CLEC20A: variants seen among roughly 807,000 people sequenced by gnomAD.
CLEC20A encodes the protein putative C-type lectin domain family 20 member A.
intron 5 of CLEC20A, among the ~76,000 whole-genome samples, chr1:178,488,168 C>T (rs1442424018): frequency 6.6e-6 from 1 of 152,238 alleles, no homozygotes; most frequent in Non-Finnish European, 1.5e-5. Flanking sequence ...TCCCCTCCAC[C>T]TCCCCCAGGG....
intron 2 of CLEC20A, among the ~76,000 whole-genome samples, chr1:178,494,056 G>T (rs374676751): frequency 6.6e-6 from 1 of 152,160 alleles, no homozygotes; most frequent in Non-Finnish European, 1.5e-5. Flanking sequence ...CTCTGAAAGG[G>T]TGCTTCTCTC....
intron 2 of CLEC20A, 142 bp downstream of exon 2, chr1:178,494,312 A>C (rs1649337214): frequency 2.5e-6 from 1 of 397,138 alleles, no homozygotes; most frequent in Admixed American, 4.4e-5. Flanking sequence ...CCAGCTGCTC[A>C]GGAGGCTGAG....
At chr1:178,479,587 C>G in exon 8 of CLEC20A, 1 of 398,466 alleles carries the variant, frequency 2.5e-6, no homozygotes. Context: ...TTGTTCGTGA[C>G]CTAATGTAAG....
intron 5 of CLEC20A, among the ~76,000 whole-genome samples, chr1:178,485,385 C>G (rs1273911145): frequency 6.6e-6 from 1 of 152,180 alleles, no homozygotes; most frequent in Non-Finnish European, 1.5e-5. Flanking sequence ...CACTATGTGG[C>G]CTACACCAGT....
At chr1:178,492,851 GCA>G (rs1441456231) in intron 2 of CLEC20A, among the ~76,000 whole-genome samples, 7 of 152,338 alleles carry the variant, frequency 4.6e-5, no homozygotes, top group African/African-American at 1.7e-4. Flanking sequence ...AGCTGCCCAA[GCA>G]CAGCCACGAC....
chr1:178,490,427 C>A (rs1649245107), exon 4 of CLEC20A: 1 of 398,716 alleles, frequency 2.5e-6, no homozygotes. Flanking sequence ...GACCACTGAT[C>A]TGGACCACAG....
exon 2 of CLEC20A, chr1:178,494,591 G>T: frequency 2.5e-6 from 1 of 399,330 alleles, no homozygotes; most frequent in Non-Finnish European, 4.4e-6. Flanking sequence ...GGCTGTGAAG[G>T]TGGAGCCGCT....
exon 5 of CLEC20A, chr1:178,488,584 T>A (rs1410238407): frequency 2.5e-6 from 1 of 398,668 alleles, no homozygotes; most frequent in Non-Finnish European, 4.4e-6. Flanking sequence ...TGATGCCCGG[T>A]GTCCAGTGGA....
intron 1 of CLEC20A, chr1:178,496,259 T>TCTGC (rs1428918868): frequency 2.0e-5 from 3 of 152,796 alleles, no homozygotes; most frequent in Non-Finnish European, 4.4e-5. Flanking sequence ...TTAGCCCTTC[T>TCTGC]CTGCCTGCCT....
At chr1:178,493,920 T>C (rs1649327279) in intron 2 of CLEC20A, among the ~76,000 whole-genome samples, 1 of 152,256 alleles carries the variant, frequency 6.6e-6, no homozygotes, top group South Asian at 2.1e-4. Context: ...ATTTTATTTG[T>C]ATTCTATCCT....
At chr1:178,487,169 C>T (rs2455861) in intron 5 of CLEC20A, among the ~76,000 whole-genome samples, 10,455 of 152,274 alleles carry the variant, frequency 0.069, 444 homozygotes, top group African/African-American at 0.1. Context: ...GCCTCTTCCA[C>T]GCCTGGCCTT....
intron 5 of CLEC20A, among the ~76,000 whole-genome samples, chr1:178,488,095 T>C (rs188131550): frequency 3.0e-3 from 458 of 152,328 alleles, no homozygotes; most frequent in Non-Finnish European, 5.1e-3. Flanking sequence ...GGTGCTTCCC[T>C]CTGGATGCTG....
chr1:178,482,086 AAAACAAC>A (rs1649002519), intron 7 of CLEC20A: 1 of 370,026 alleles, frequency 2.7e-6, no homozygotes, highest in African/African-American at 2.4e-5. Context: ...AAAAAACAAA[AAAACAAC>A]AAAAAAAAAA....
intron 7 of CLEC20A, chr1:178,481,189 G>A (rs1234478618): frequency 2.0e-5 from 3 of 152,196 alleles, no homozygotes; most frequent in East Asian, 3.9e-4. Flanking sequence ...ACAATAAAGA[G>A]TATTATATAT....
At chr1:178,484,802 T>C (rs1481438948) in intron 5 of CLEC20A, 2 of 152,262 alleles carry the variant, frequency 1.3e-5, no homozygotes, top group African/African-American at 4.8e-5. Flanking sequence ...GTACTTCAGT[T>C]AACGTCACTT....
chr1:178,491,805 A>G (rs1026825767), intron 3 of CLEC20A, among the ~76,000 whole-genome samples: 7 of 152,150 alleles, frequency 4.6e-5, no homozygotes, highest in African/African-American at 1.7e-4. Flanking sequence ...ACCAGAGGGG[A>G]CTATTTCAGA....
intron 1 of CLEC20A, among the ~76,000 whole-genome samples, chr1:178,495,229 G>T (rs570912129): frequency 9.2e-5 from 14 of 152,358 alleles, no homozygotes; most frequent in African/African-American, 2.9e-4. Flanking sequence ...AATTCTTCCA[G>T]CTGCCTAAGA....
At position 178,492,993 on chromosome 1, in the gene CLEC20A, C is replaced by T. The variant is rs147665734; in HGVS notation, c.398-427G>A. ...AGGATTCTAAGTGCTGCCAGGTCCT[C>T]CTGATTCTTTTGTTTACAGGGAAGT... On this transcript the variant is annotated intron_variant, in intron 2 of 7. Coordinates refer to ENST00000623247, the Ensembl canonical transcript of CLEC20A. 2.2e-3 allele frequency among the ~76,000 whole-genome samples: 337 copies of T among 152,322 alleles called. 4 individuals are homozygous for T. Among genetic ancestry groups the T allele is most frequent in the African/African-American group, 7.7e-3 (322 of 41,560 alleles).
chr1:178,493,046 C>G (rs1029858835), intron 2 of CLEC20A, among the ~76,000 whole-genome samples: 2 of 152,214 alleles, frequency 1.3e-5, no homozygotes, highest in African/African-American at 4.8e-5. Context: ...TAAAAGCTCA[C>G]TCTGTGTAGA....
Sources: allele counts gnomAD v4.1 joint callset (sites outside exome capture counted in the v4.1 genomes callset), GRCh38; gene constraint gnomAD v4.1.1; transcripts MANE v1.5; gene names NCBI Gene and HGNC (gene_info 2026-07-23, HGNC 2026-07-21).